The following NXPE2 variants were observed in gnomAD, a reference collection of about 807,000 sequenced individuals.
The protein encoded by NXPE2 is NXPE family member 2.
NXPE2 carries 34 observed loss-of-function variants against 34.4 expected under a neutral mutation model. The observed-to-expected ratio is 0.99, with a 90% CI of 0.75 to 1.31. The LOEUF (loss-of-function observed/expected upper bound fraction) is 1.31. NXPE2 is among the 40% of genes most tolerant of loss of function. The pLI is 0.00. For synonymous variants in NXPE2, 235 were observed against 231.3 expected, an observed-to-expected ratio of 1.02 and a Z score of -0.15; for missense variants, 649 against 672.5, an observed-to-expected ratio of 0.97 and a Z score of 0.39.
At chr11:114,769,436 T>C in the NXPE2 span, among the ~76,000 whole-genome samples, 41 of 152,162 alleles carry the variant, frequency 2.7e-4, no homozygotes, top group African/African-American at 9.7e-4. Flanking sequence ...AGAAATACCA[T>C]TTGACCCAGC....
chr11:114,586,584 T>G, the NXPE2 span, among the ~76,000 whole-genome samples: 1 of 152,024 alleles, frequency 6.6e-6, no homozygotes, highest in Admixed American at 6.5e-5. Flanking sequence ...AATGTTGGCT[T>G]TGTTTCTAAT....
At chr11:114,490,958 C>T in the NXPE2 span, among the ~76,000 whole-genome samples, 2,322 of 149,906 alleles carry the variant, frequency 0.015, 42 homozygotes, top group African/African-American at 0.051. Context: ...GTCAGGAGAT[C>T]GAGACCATCC....
At chr11:114,799,489 A>G in the NXPE2 span, among the ~76,000 whole-genome samples, 2 of 152,306 alleles carry the variant, frequency 1.3e-5, no homozygotes, top group Admixed American at 6.5e-5. Context: ...AAGTGTGACC[A>G]TTATAAGCCA....
At chr11:114,798,476 A>G in the NXPE2 span, among the ~76,000 whole-genome samples, 1 of 151,914 alleles carries the variant, frequency 6.6e-6, no homozygotes, top group East Asian at 1.9e-4. Flanking sequence ...CTCTGCCTCT[A>G]GGGTTCAAGT....
At chr11:114,595,188 T>G in the NXPE2 span, among the ~76,000 whole-genome samples, 1 of 152,178 alleles carries the variant, frequency 6.6e-6, no homozygotes. Flanking sequence ...GCCTGTTGAA[T>G]GCAAATTAGT....
chr11:114,796,128 C>A, the NXPE2 span, among the ~76,000 whole-genome samples: 1 of 152,138 alleles, frequency 6.6e-6, no homozygotes, highest in South Asian at 2.1e-4. Context: ...GCTTTCTGAG[C>A]CCCAGTTTAT....
chr11:114,510,031 A>G, the NXPE2 span, among the ~76,000 whole-genome samples: 1 of 152,162 alleles, frequency 6.6e-6, no homozygotes, highest in Non-Finnish European at 1.5e-5. Flanking sequence ...AAAAACAGAT[A>G]ACATAGCATG....
the NXPE2 span, among the ~76,000 whole-genome samples, chr11:114,512,325 CCT>C: frequency 6.6e-6 from 1 of 152,132 alleles, no homozygotes; most frequent in Non-Finnish European, 1.5e-5. Flanking sequence ...TCACTTTCCC[CCT>C]GTCTAATTCC....
the NXPE2 span, among the ~76,000 whole-genome samples, chr11:114,510,356 C>T: frequency 6.6e-6 from 1 of 152,160 alleles, no homozygotes; most frequent in Non-Finnish European, 1.5e-5. Context: ...ACTTTAGCTT[C>T]CCAAGTAGCT....
At chr11:114,654,459 G>C in the NXPE2 span, among the ~76,000 whole-genome samples, 2 of 151,490 alleles carry the variant, frequency 1.3e-5, no homozygotes, top group African/African-American at 4.8e-5. Flanking sequence ...CATCTTCTAT[G>C]TGCCCTCCCC....
the NXPE2 span, among the ~76,000 whole-genome samples, chr11:114,494,729 A>T: frequency 6.6e-6 from 1 of 152,120 alleles, no homozygotes; most frequent in African/African-American, 2.4e-5. Flanking sequence ...TTAGGAAGTT[A>T]ATGTTTTCCT....
chr11:114,608,307 A>G, the NXPE2 span, among the ~76,000 whole-genome samples: 17 of 151,378 alleles, frequency 1.1e-4, no homozygotes, highest in East Asian at 1.6e-3. Flanking sequence ...GTGTTGCATC[A>G]TGGGTAACCA....
At chr11:114,491,783 G>T in the NXPE2 span, among the ~76,000 whole-genome samples, 1 of 152,132 alleles carries the variant, frequency 6.6e-6, no homozygotes, top group South Asian at 2.1e-4. Flanking sequence ...TGATAGACTG[G>T]ATTAAGAAAA....
At chr11:114,616,528 G>T in the NXPE2 span, among the ~76,000 whole-genome samples, 1 of 151,590 alleles carries the variant, frequency 6.6e-6, no homozygotes, top group Non-Finnish European at 1.5e-5. Flanking sequence ...TGTCTGGTGG[G>T]TAACCATTGT....
chr11:114,797,485 C>G, the NXPE2 span, among the ~76,000 whole-genome samples: 2 of 152,154 alleles, frequency 1.3e-5, no homozygotes, highest in African/African-American at 4.8e-5. Flanking sequence ...CGCCAGGTCA[C>G]GAGGTCCTCA....
chr11:114,689,525 T>C (rs1332561692), intron 2 of NXPE2, among the ~76,000 whole-genome samples: 1 of 152,112 alleles, frequency 6.6e-6, no homozygotes, highest in African/African-American at 2.4e-5. Context: ...TTTTACAATA[T>C]GTTTCATGTG....
In NXPE2 at chr11:114,706,487, C is replaced by A; in HGVS notation, c.1237C>A (p.His413Asn). 1 of 1,551,562 alleles carries A rather than the reference C, an allele frequency of 6.4e-7. No individual in the cohort carries two copies. Among genetic ancestry groups the A allele is most frequent in the Non-Finnish European group, 8.7e-7 (1 of 1,146,762 alleles). The stretch of plus-strand genomic sequence containing the variant: ...ACATATTTTGATTCAGTGGAAAAAA[C>A]ATGGTCATCCATTTGTTACCAAAAA... ...ERHILIQWKK[H>N]GHPFVTKKLF... The change falls in exon 6 of 6, where the codon CAT becomes AAT. Residue 413 changes from histidine (H) to asparagine (N), a missense_variant. Physicochemically the swap from His to Asn is moderately conservative, Grantham distance 68. Coordinates refer to ENST00000389586, the MANE Select transcript of NXPE2 (RefSeq NM_182495.6).
At position 114,692,321 on chromosome 11, in the gene NXPE2, G is replaced by A. The variant is rs550361688; in HGVS notation, c.133-5724G>A. Reference sequence around the variant, plus strand: ...CATCTCAGCCTCACAGCATTCTGTTGCAGGGTAGCAAGTACCCTCCCAGGG... The same window carrying A: ...CATCTCAGCCTCACAGCATTCTGTTACAGGGTAGCAAGTACCCTCCCAGGG... On this transcript the variant is annotated intron_variant, in intron 2 of 5. Coordinates refer to ENST00000389586, the MANE Select transcript of NXPE2 (RefSeq NM_182495.6). 2.0e-5 allele frequency among the ~76,000 whole-genome samples: 3 copies of A among 152,296 alleles called. No individual in the cohort carries two copies. The East Asian group carries it at 5.8e-4, about 29-fold the overall frequency.
In NXPE2 at chr11:114,678,542, C is replaced by G; in HGVS notation, c.-34C>G. On this transcript the variant is annotated 5_prime_UTR_variant, in exon 1 of 6. Transcript: ENST00000389586. ...AGACTGCTTTAATCAAGGAGAGTCTCTGGACACTATAATTCCTGTGAGAAC... is the reference window on the plus strand; with the variant it reads ...AGACTGCTTTAATCAAGGAGAGTCTGTGGACACTATAATTCCTGTGAGAAC... 6.6e-7 allele frequency: 1 copy of G among 1,523,372 alleles called. No homozygotes were observed. Among genetic ancestry groups the G allele is most frequent in the Non-Finnish European group, 8.9e-7 (1 of 1,121,844 alleles). The allele number at this position is 1,523,372 out of a possible 1,614,324, so 94.4% of individuals were successfully genotyped here.
Sources: allele counts gnomAD v4.1 joint callset (sites outside exome capture counted in the v4.1 genomes callset), GRCh38; gene constraint gnomAD v4.1.1; transcripts MANE v1.5; gene names NCBI Gene and HGNC (gene_info 2026-07-23, HGNC 2026-07-21).